NCAM1: variants seen among roughly 807,000 people sequenced by gnomAD.
NCAM1 encodes antigen recognized by monoclonal antibody 5.1H11.
A neutral mutation model predicts 109.8 loss-of-function variants in NCAM1; 14 were observed. The ratio of observed to expected loss-of-function variants is 0.13; its 90% CI spans 0.08 to 0.20. The LOEUF is 0.20. Among genes scored for constraint, NCAM1 ranks in the 10% least tolerant of loss-of-function variants. NCAM1 has a pLI of 1.00. For synonymous variants in NCAM1, 418 were observed against 442.9 expected (o/e 0.94, Z 0.70); for missense variants, 774 against 1,109.9 (o/e 0.70, Z 4.30).
chr11:112,986,149 TC>T (rs1300890590), intron 1 of NCAM1, among the ~76,000 whole-genome samples: 45 of 152,218 alleles, frequency 3.0e-4, no homozygotes, highest in African/African-American at 1.1e-3. Context: ...AAATGCTTTT[TC>T]TGCACTTATT....
chr11:112,989,345 A>G (rs1348711006), intron 1 of NCAM1, among the ~76,000 whole-genome samples: 14 of 151,780 alleles, frequency 9.2e-5, no homozygotes, highest in African/African-American at 3.4e-4. Flanking sequence ...CAGATGACCT[A>G]TCTATATTTG....
At chr11:113,141,093 T>C (rs1183370446) in intron 1 of NCAM1, among the ~76,000 whole-genome samples, 1 of 152,236 alleles carries the variant, frequency 6.6e-6, no homozygotes, top group African/African-American at 2.4e-5. Context: ...GTAAGCCAGC[T>C]GTTCATTTAG....
At chr11:113,207,466 G>A (rs955383628) in intron 6 of NCAM1, 88 bp downstream of exon 6, 1 of 1,041,070 alleles carries the variant, frequency 9.6e-7, no homozygotes, top group Non-Finnish European at 1.4e-6. Flanking sequence ...TGCGTGGAAT[G>A]GATGTGGGCT....
At chr11:113,244,171 T>C (rs137913610) in intron 14 of NCAM1, among the ~76,000 whole-genome samples, 3 of 152,272 alleles carry the variant, frequency 2.0e-5, no homozygotes, top group African/African-American at 7.2e-5. Context: ...CCAGGCACAG[T>C]AGGAGAAAGC....
chr11:113,047,714 G>T (rs1953318992), intron 1 of NCAM1, among the ~76,000 whole-genome samples: 2 of 152,168 alleles, frequency 1.3e-5, no homozygotes, highest in African/African-American at 4.8e-5. Flanking sequence ...GCCTCAGGAA[G>T]CTTACTATCA....
chr11:113,031,155 T>G (rs1053972536), intron 1 of NCAM1, among the ~76,000 whole-genome samples: 2 of 152,236 alleles, frequency 1.3e-5, no homozygotes, highest in African/African-American at 4.8e-5. Flanking sequence ...TGTTTCTGTT[T>G]AAAGACACCT....
At chr11:112,980,937 C>T (rs888329337) in intron 1 of NCAM1, among the ~76,000 whole-genome samples, 1 of 151,752 alleles carries the variant, frequency 6.6e-6, no homozygotes, top group African/African-American at 2.4e-5. Context: ...ATGCCTAGCA[C>T]CTGGAAGCAT....
intron 1 of NCAM1, among the ~76,000 whole-genome samples, chr11:113,073,008 A>G (rs1461170905): frequency 6.6e-6 from 1 of 151,988 alleles, no homozygotes; most frequent in Admixed American, 6.5e-5. Context: ...CCATTAAACA[A>G]TGTCCCCCTC....
At chr11:113,220,970 A>T (rs1272454970) in intron 8 of NCAM1, among the ~76,000 whole-genome samples, 6 of 152,150 alleles carry the variant, frequency 3.9e-5, no homozygotes, top group African/African-American at 1.4e-4. Flanking sequence ...CATGTCACCA[A>T]ATACTATGAG....
intron 1 of NCAM1, among the ~76,000 whole-genome samples, chr11:113,183,558 G>C (rs782284533): frequency 1.3e-5 from 2 of 152,110 alleles, no homozygotes; most frequent in Non-Finnish European, 1.5e-5. Flanking sequence ...CCTCACTCTA[G>C]GTAAATTATA....
intron 1 of NCAM1, among the ~76,000 whole-genome samples, chr11:113,094,428 C>T (rs1555089957): frequency 6.6e-6 from 1 of 152,192 alleles, no homozygotes; most frequent in Non-Finnish European, 1.5e-5. Context: ...ATTTCACCTT[C>T]AGAGATTGAA....
At chr11:113,039,478 A>G (rs1436276706) in intron 1 of NCAM1, among the ~76,000 whole-genome samples, 4 of 152,214 alleles carry the variant, frequency 2.6e-5, no homozygotes, top group Non-Finnish European at 5.9e-5. Context: ...CATTTTCTTC[A>G]GTCATCTCAA....
intron 1 of NCAM1, among the ~76,000 whole-genome samples, chr11:112,974,653 T>A (rs1055994726): frequency 6.6e-6 from 1 of 152,006 alleles, no homozygotes; most frequent in East Asian, 1.9e-4. Flanking sequence ...ATTCTCCTAT[T>A]TTCAGTAGGG....
intron 1 of NCAM1, among the ~76,000 whole-genome samples, chr11:113,093,914 T>C (rs1174778754): frequency 6.6e-6 from 1 of 151,894 alleles, no homozygotes; most frequent in East Asian, 1.9e-4. Context: ...TCCAGACCAG[T>C]TGGAAGCTGC....
intron 1 of NCAM1, among the ~76,000 whole-genome samples, chr11:113,107,719 TGGGTCCCTCCCACA>T (rs1940238715): frequency 6.6e-6 from 1 of 152,130 alleles, no homozygotes; most frequent in Admixed American, 6.5e-5. Context: ...TATCTCCCAC[TGGGTCCCTCCCACA>T]ATATGTGGGA....
chr11:113,167,463 G>C (rs568298112), intron 1 of NCAM1, among the ~76,000 whole-genome samples: 3 of 151,364 alleles, frequency 2.0e-5, no homozygotes, highest in Admixed American at 6.6e-5. Flanking sequence ...AGGCCTTCCT[G>C]TGAAGGTGGG....
At chr11:112,990,166 A>C (rs1248146442) in intron 1 of NCAM1, among the ~76,000 whole-genome samples, 1 of 152,156 alleles carries the variant, frequency 6.6e-6, no homozygotes, top group African/African-American at 2.4e-5. Flanking sequence ...TCTGGGATGA[A>C]GGTCAGCTTT....
intron 1 of NCAM1, among the ~76,000 whole-genome samples, chr11:113,202,111 G>A (rs1023399107): frequency 6.6e-6 from 1 of 152,200 alleles, no homozygotes; most frequent in Admixed American, 6.5e-5. Flanking sequence ...AGGGCACCTT[G>A]CACTCTCTGA....
chr11:113,124,738 C>G (rs1555096712), intron 1 of NCAM1, among the ~76,000 whole-genome samples: 1 of 152,280 alleles, frequency 6.6e-6, no homozygotes, highest in East Asian at 1.9e-4. Flanking sequence ...TCCCATTTTT[C>G]CTGTGTGTGT....
Sources: gnomAD v4.1 joint callset for allele counts (sites outside exome capture counted in the v4.1 genomes callset) on GRCh38, gnomAD v4.1.1 for gene constraint, MANE v1.5 for transcripts, NCBI Gene and HGNC (gene_info 2026-07-23, HGNC 2026-07-21) for gene names.